ACTR3C: variants seen among roughly 807,000 people sequenced by gnomAD.
The protein encoded by ACTR3C is actin-related protein 3C.
ACTR3C carries 18 observed loss-of-function variants against 26.3 expected under a neutral mutation model. The observed-to-expected ratio is 0.68, with a 90% CI of 0.47 to 1.01. The LOEUF (loss-of-function observed/expected upper bound fraction) is 1.01. ACTR3C is among the 50% of genes least tolerant of loss of function. The probability of loss-of-function intolerance (pLI) is 0.00; values close to 1 mark genes in which losing one functional copy is unlikely to be tolerated. For missense variants in ACTR3C, 184 were observed against 250.7 expected, an observed-to-expected ratio of 0.73 and a Z score of 1.80; for synonymous variants, 55 against 94.5, an observed-to-expected ratio of 0.58 and a Z score of 2.42.
At chr7:150,015,205 G>A in the ACTR3C span, among the ~76,000 whole-genome samples, 3 of 152,086 alleles carry the variant, frequency 2.0e-5, no homozygotes, top group East Asian at 1.9e-4. Flanking sequence ...ACCATCTCCC[G>A]TAGACAATGG....
the ACTR3C span, among the ~76,000 whole-genome samples, chr7:150,093,984 C>T: frequency 1.3e-5 from 2 of 150,446 alleles, no homozygotes; most frequent in Non-Finnish European, 2.9e-5. Flanking sequence ...CAAATACAAC[C>T]ATAGCCTCGG....
the ACTR3C span, among the ~76,000 whole-genome samples, chr7:150,130,924 A>G: frequency 6.6e-6 from 1 of 152,226 alleles, no homozygotes; most frequent in Non-Finnish European, 1.5e-5. Context: ...AATTCTAGAA[A>G]GGGACTTAAC....
the ACTR3C span, among the ~76,000 whole-genome samples, chr7:150,190,810 G>C: frequency 6.6e-6 from 1 of 152,146 alleles, no homozygotes; most frequent in Non-Finnish European, 1.5e-5. Context: ...GCACAGCTGG[G>C]GAGGCCTCAG....
chr7:149,906,625 T>C, the ACTR3C span, among the ~76,000 whole-genome samples: 1 of 147,600 alleles, frequency 6.8e-6, no homozygotes, highest in South Asian at 2.2e-4. Context: ...AGAGATGGGG[T>C]GTTGCCATTT....
the ACTR3C span, among the ~76,000 whole-genome samples, chr7:150,050,469 GA>G: frequency 3.9e-5 from 6 of 152,122 alleles, no homozygotes; most frequent in Non-Finnish European, 8.8e-5. Flanking sequence ...AATTATCTAA[GA>G]AAATATGATA....
At chr7:150,150,083 CT>C in the ACTR3C span, among the ~76,000 whole-genome samples, 3,303 of 151,944 alleles carry the variant, frequency 0.022, 82 homozygotes, top group African/African-American at 0.075. Flanking sequence ...ATATACACCC[CT>C]AAATTTAGTT....
chr7:149,913,495 G>A, the ACTR3C span, among the ~76,000 whole-genome samples: 2 of 152,040 alleles, frequency 1.3e-5, no homozygotes, highest in Non-Finnish European at 2.9e-5. Context: ...TTGTAGCATG[G>A]CTTACTTTAC....
chr7:149,883,277 ACACAGTCAC>A, the ACTR3C span, among the ~76,000 whole-genome samples: 37 of 152,278 alleles, frequency 2.4e-4, no homozygotes, highest in African/African-American at 6.7e-4. Flanking sequence ...AGGGGTTTGG[ACACAGTCAC>A]TATGTACCCA....
the ACTR3C span, among the ~76,000 whole-genome samples, chr7:150,211,043 A>G: frequency 1.3e-5 from 2 of 150,528 alleles, no homozygotes; most frequent in Non-Finnish European, 2.9e-5. Context: ...CAATGAGTTT[A>G]GTACTTACTC....
intron 6 of ACTR3C, among the ~76,000 whole-genome samples, chr7:150,266,865 C>A (rs1293937892): frequency 9.9e-5 from 15 of 152,204 alleles, no homozygotes; most frequent in Admixed American, 9.8e-4. Flanking sequence ...TTAAATCCAC[C>A]ACACACCAAG....
chr7:149,923,193 G>A, the ACTR3C span, among the ~76,000 whole-genome samples: 1 of 138,682 alleles, frequency 7.2e-6, no homozygotes, highest in Non-Finnish European at 1.6e-5. Context: ...GGACTACATG[G>A]CAAAAGATTA....
chr7:150,029,709 G>A, the ACTR3C span, among the ~76,000 whole-genome samples: 211 of 152,100 alleles, frequency 1.4e-3, 1 homozygote, highest in African/African-American at 5.0e-3. Context: ...GACTCCCCAT[G>A]ACCTTAAAAA....
the ACTR3C span, among the ~76,000 whole-genome samples, chr7:150,066,260 G>C: frequency 2.6e-5 from 4 of 152,192 alleles, no homozygotes; most frequent in Non-Finnish European, 4.4e-5. Context: ...GTGTGCAGAG[G>C]GGGGATAAAG....
the ACTR3C span, among the ~76,000 whole-genome samples, chr7:150,053,744 A>C: frequency 1.3e-5 from 2 of 152,214 alleles, no homozygotes; most frequent in Non-Finnish European, 1.5e-5. Flanking sequence ...TGCCACGTAA[A>C]TTGGTACTCT....
chr7:150,168,827 C>T, the ACTR3C span, among the ~76,000 whole-genome samples: 1 of 150,780 alleles, frequency 6.6e-6, no homozygotes, highest in Admixed American at 6.6e-5. Flanking sequence ...GAGGACCGGG[C>T]AGTGGGACAA....
the ACTR3C span, among the ~76,000 whole-genome samples, chr7:150,176,545 A>G: frequency 6.6e-6 from 1 of 150,982 alleles, no homozygotes; most frequent in Non-Finnish European, 1.5e-5. Flanking sequence ...TTTTGTTCAC[A>G]TACTTTACAT....
chr7:149,905,807 A>C, the ACTR3C span, among the ~76,000 whole-genome samples: 1 of 152,214 alleles, frequency 6.6e-6, no homozygotes, highest in African/African-American at 2.4e-5. Context: ...AGGATCTACG[A>C]AACAGAAACT....
the ACTR3C span, among the ~76,000 whole-genome samples, chr7:150,022,505 C>G: frequency 6.6e-6 from 1 of 151,842 alleles, no homozygotes; most frequent in Non-Finnish European, 1.5e-5. Flanking sequence ...TGAGCTGGAA[C>G]TCTCAGCGGG....
the ACTR3C span, among the ~76,000 whole-genome samples, chr7:150,079,306 T>A: frequency 2.0e-4 from 31 of 152,162 alleles, no homozygotes; most frequent in African/African-American, 7.5e-4. Context: ...GCTGCAGGAC[T>A]TGGCAAACTC....
Sources: allele counts gnomAD v4.1 joint callset (sites outside exome capture counted in the v4.1 genomes callset), GRCh38; gene constraint gnomAD v4.1.1; transcripts MANE v1.5; gene names NCBI Gene and HGNC (gene_info 2026-07-23, HGNC 2026-07-21).